The following LDB2 variants were observed in gnomAD, a reference collection of about 807,000 sequenced individuals.
LDB2 encodes LIM domain binding 2.
LDB2 carries 12 observed loss-of-function variants against 44.3 expected under a neutral mutation model. The ratio of observed to expected loss-of-function variants is 0.27; its 90% confidence interval spans 0.17 to 0.44. The LOEUF (loss-of-function observed/expected upper bound fraction) is 0.44, where lower values mean the gene tolerates loss of function less well. LDB2 is among the 20% of genes least tolerant of loss of function. The pLI, the probability that LDB2 is intolerant of heterozygous loss-of-function variation, is 1.00. For synonymous variants in LDB2, 164 were observed against 174.8 expected, an observed-to-expected ratio of 0.94 and a Z score of 0.49; for missense variants, 344 against 473.5, an observed-to-expected ratio of 0.73 and a Z score of 2.54.
chr4:16,856,328 A>G (rs1429039480), intron 1 of LDB2, among the ~76,000 whole-genome samples: 2 of 152,306 alleles, frequency 1.3e-5, no homozygotes, highest in Non-Finnish European at 1.5e-5. Context: ...CAGCTTGACT[A>G]AAATTTTCAA....
At chr4:16,785,826 C>G (rs1313624056) in intron 1 of LDB2, among the ~76,000 whole-genome samples, 1 of 152,084 alleles carries the variant, frequency 6.6e-6, no homozygotes, top group Admixed American at 6.6e-5. Context: ...TTTCAGGGTC[C>G]GTTCCTGGAA....
intron 2 of LDB2, among the ~76,000 whole-genome samples, chr4:16,681,333 T>C (rs1747788606): frequency 6.6e-6 from 1 of 152,138 alleles, no homozygotes. Context: ...TCTATAACCA[T>C]AGGAAATTGA....
chr4:16,623,976 G>C (rs951510797), intron 2 of LDB2, among the ~76,000 whole-genome samples: 5 of 152,154 alleles, frequency 3.3e-5, no homozygotes, highest in African/African-American at 1.2e-4. Flanking sequence ...ACAATATGCT[G>C]TTCGCAACAG....
intron 2 of LDB2, among the ~76,000 whole-genome samples, chr4:16,721,776 G>T (rs1212652361): frequency 6.6e-6 from 1 of 152,092 alleles, no homozygotes; most frequent in African/African-American, 2.4e-5. Context: ...CTGTCGATAG[G>T]GTTGGGCACA....
chr4:16,564,911 A>T (rs1177062235), intron 5 of LDB2, among the ~76,000 whole-genome samples: 1 of 152,222 alleles, frequency 6.6e-6, no homozygotes, highest in East Asian at 1.9e-4. Context: ...TGAGGCTCGG[A>T]TATTAGTAAC....
chr4:16,626,796 A>G (rs905695236), intron 2 of LDB2: 14 of 152,298 alleles, frequency 9.2e-5, no homozygotes, highest in Non-Finnish European at 1.5e-4. Context: ...GTGACTCTCA[A>G]TGAAGATCAG....
At chr4:16,728,574 C>T (rs558333439) in intron 2 of LDB2, among the ~76,000 whole-genome samples, 2 of 152,156 alleles carry the variant, frequency 1.3e-5, no homozygotes, top group Non-Finnish European at 2.9e-5. Flanking sequence ...ATTGTATTTA[C>T]AATTTAAGCT....
intron 2 of LDB2, among the ~76,000 whole-genome samples, chr4:16,709,100 A>G (rs894860550): frequency 7.5e-6 from 1 of 133,786 alleles, no homozygotes; most frequent in Non-Finnish European, 1.7e-5. Flanking sequence ...TGTCTATTCT[A>G]TCACCGAATT....
intron 5 of LDB2, among the ~76,000 whole-genome samples, chr4:16,536,501 T>G (rs1407514351): frequency 6.6e-6 from 1 of 152,174 alleles, no homozygotes; most frequent in Non-Finnish European, 1.5e-5. Flanking sequence ...AAGTTGATGA[T>G]TTTCCTTCAG....
At chr4:16,806,066 C>G (rs1443724507) in intron 1 of LDB2, among the ~76,000 whole-genome samples, 4 of 152,164 alleles carry the variant, frequency 2.6e-5, no homozygotes, top group Non-Finnish European at 5.9e-5. Context: ...TATTTCCTCC[C>G]AGGGAAACAG....
intron 1 of LDB2, among the ~76,000 whole-genome samples, chr4:16,890,474 C>A (rs1206641414): frequency 6.6e-6 from 1 of 152,164 alleles, no homozygotes; most frequent in Non-Finnish European, 1.5e-5. Flanking sequence ...ATCCTTAACG[C>A]TAAGCCTCCT....
At chr4:16,643,379 A>C (rs965593739) in intron 2 of LDB2, among the ~76,000 whole-genome samples, 2 of 152,214 alleles carry the variant, frequency 1.3e-5, no homozygotes, top group African/African-American at 4.8e-5. Flanking sequence ...CAAAGGATTG[A>C]TAATAGTTCT....
At chr4:16,612,508 G>A (rs757047344) in intron 2 of LDB2, among the ~76,000 whole-genome samples, 1 of 151,380 alleles carries the variant, frequency 6.6e-6, no homozygotes, top group African/African-American at 2.4e-5. Context: ...AAATAGACAC[G>A]GTAAAAAAAG....
chr4:16,542,090 A>G (rs1733980241), intron 5 of LDB2, among the ~76,000 whole-genome samples: 1 of 67,668 alleles, frequency 1.5e-5, no homozygotes, highest in Non-Finnish European at 2.9e-5. Context: ...CCTTCCAATT[A>G]CATCAGGTGG....
chr4:16,821,385 TTA>T (rs1491234079), intron 1 of LDB2, among the ~76,000 whole-genome samples: 2 of 38,530 alleles, frequency 5.2e-5, no homozygotes, highest in Admixed American at 4.3e-4. Flanking sequence ...AATTTTTTTT[TTA>T]TTTTTTTTTT....
intron 2 of LDB2, among the ~76,000 whole-genome samples, chr4:16,642,749 G>A (rs1560733360): frequency 6.6e-6 from 1 of 152,062 alleles, no homozygotes; most frequent in East Asian, 1.9e-4. Context: ...CTTAGATTAT[G>A]AGCTCCTGGA....
intron 1 of LDB2, chr4:16,826,314 A>T (rs1783062580): frequency 6.6e-6 from 1 of 152,242 alleles, no homozygotes; most frequent in South Asian, 2.1e-4. Context: ...ATAGTTCAGC[A>T]TCTATAACCT....
chr4:16,584,880 A>G (rs1259257789), intron 5 of LDB2, among the ~76,000 whole-genome samples: 1 of 152,184 alleles, frequency 6.6e-6, no homozygotes, highest in Non-Finnish European at 1.5e-5. Flanking sequence ...GTAACTAAGA[A>G]TCTGTCCAAG....
At chr4:16,759,353 T>G in intron 1 of LDB2, 93 bp from the exon 2 acceptor site, 1 of 904,390 alleles carries the variant, frequency 1.1e-6, no homozygotes, top group Non-Finnish European at 1.8e-6. Context: ...ACTCAGCTGC[T>G]CCTTGCTCAT....
Sources: allele counts gnomAD v4.1 joint callset (sites outside exome capture counted in the v4.1 genomes callset), GRCh38; gene constraint gnomAD v4.1.1; transcripts MANE v1.5; gene names NCBI Gene and HGNC (gene_info 2026-07-23, HGNC 2026-07-21).